Variants in LIMD1 observed in about 807,000 individuals in gnomAD.
LIMD1 encodes LIM domain containing 1.
In LIMD1, 23 loss-of-function variants were observed where a neutral mutation model predicts 58.4. The ratio of observed to expected loss-of-function variants is 0.39; its 90% CI spans 0.28 to 0.56. The LOEUF is 0.56. Ranked by LOEUF, LIMD1 falls within the 20% of genes least tolerant of loss-of-function variation. LIMD1 has a pLI of 0.57. For missense variants in LIMD1, 838 were observed against 855.5 expected, an observed-to-expected ratio of 0.98 and a Z score of 0.25; for synonymous variants, 334 against 345.5, an observed-to-expected ratio of 0.97 and a Z score of 0.37.
chr3:45,621,078 A>G (rs1215779780), intron 1 of LIMD1, among the ~76,000 whole-genome samples: 1 of 152,202 alleles, frequency 6.6e-6, no homozygotes, highest in African/African-American at 2.4e-5. Flanking sequence ...TAATTGGCCT[A>G]TACTCTTCCA....
chr3:45,608,839 C>CAAAAA lies in LIMD1; in HGVS notation c.1408+12567_1408+12571dup, dbSNP rs60750700. Among the ~76,000 whole-genome samples, 188 of 102,882 alleles carry CAAAAA rather than the reference C, an allele frequency of 1.8e-3. 3 individuals carry two copies. Among genetic ancestry groups the CAAAAA allele is most frequent in the African/African-American group, 6.4e-3 (162 of 25,256 alleles). 67.5% of individuals were successfully genotyped at this position (102,882 alleles called of 152,430 possible). A position where few individuals can be genotyped will look rare whatever the true frequency, so the allele number is the denominator to read the frequency against. ...TGGGCAACAGAGCGAGACTCGGTAT[C>CAAAAA]AAAAAAAAAAAAAAAAAAAGAAGGA... On this transcript the variant is annotated intron_variant, in intron 1 of 7. Coordinates refer to ENST00000273317, the MANE Select transcript of LIMD1 (RefSeq NM_014240.3).
chr3:45,657,750 A>G (rs1383318362), intron 2 of LIMD1, among the ~76,000 whole-genome samples: 1 of 152,170 alleles, frequency 6.6e-6, no homozygotes, highest in Non-Finnish European at 1.5e-5. Flanking sequence ...TACTTATGAA[A>G]TGAAAACGAT....
At chr3:45,644,016 T>C (rs569642219) in intron 2 of LIMD1, among the ~76,000 whole-genome samples, 1 of 152,224 alleles carries the variant, frequency 6.6e-6, no homozygotes, top group Non-Finnish European at 1.5e-5. Flanking sequence ...TCCATGGCTG[T>C]TGAAGACTGC....
chr3:45,667,412 T>A (rs1206154587), intron 3 of LIMD1, among the ~76,000 whole-genome samples: 1 of 152,134 alleles, frequency 6.6e-6, no homozygotes, highest in Non-Finnish European at 1.5e-5. Flanking sequence ...GGGGCGTAGG[T>A]GCCAGACAAC....
rs1701787517 is a variant in LIMD1, at chr3:45,636,259, T to C, written c.1510+8T>C. 6.3e-7 allele frequency: 1 copy of C among 1,585,884 alleles called. No individual in the cohort carries two copies. The highest frequency in any genetic ancestry group is 1.8e-5 in the Admixed American group (1 of 56,420). On this transcript the variant is annotated splice_region_variant and intron_variant, in intron 2 of 7. Transcript: ENST00000273317. ...TCACCTGTGCAGCTTGCAGTAAGTG[T>C]GGGTGTGGGTGTCGGGTGTGTGGGG...
chr3:45,671,299 C>T (rs1697582881), intron 4 of LIMD1, among the ~76,000 whole-genome samples: 1 of 152,180 alleles, frequency 6.6e-6, no homozygotes, highest in African/African-American at 2.4e-5. Context: ...GAGTTATCCG[C>T]CTGAGGCTTC....
At chr3:45,651,332 G>A (rs1701972803) in intron 2 of LIMD1, among the ~76,000 whole-genome samples, 1 of 151,948 alleles carries the variant, frequency 6.6e-6, no homozygotes, top group South Asian at 2.1e-4. Context: ...AAGCTCTTTA[G>A]TTTAATTAGA....
At chr3:45,610,955 A>G (rs1701517494) in intron 1 of LIMD1, among the ~76,000 whole-genome samples, 2 of 152,236 alleles carry the variant, frequency 1.3e-5, no homozygotes, top group African/African-American at 4.8e-5. Flanking sequence ...GTAAAACATT[A>G]AAATTAGTTT....
intron 2 of LIMD1, among the ~76,000 whole-genome samples, chr3:45,649,646 A>G (rs2125662853): frequency 2.0e-5 from 3 of 148,380 alleles, no homozygotes; most frequent in Admixed American, 2.0e-4. Flanking sequence ...GCACCACTGC[A>G]CTCCAGCCTG....
At chr3:45,599,281 G>T (rs1701387155) in intron 1 of LIMD1, among the ~76,000 whole-genome samples, 1 of 150,880 alleles carries the variant, frequency 6.6e-6, no homozygotes, top group Non-Finnish European at 1.5e-5. Context: ...AAATGTTTTC[G>T]TCAACCCAAA....
Position 45,636,273 on chromosome 3 carries a change from G to C in LIMD1, c.1510+22G>C, listed in dbSNP as rs765568170. 10 of 1,517,130 alleles carry C rather than the reference G, an allele frequency of 6.6e-6. No individual in the cohort carries two copies. In the Admixed American group the frequency reaches 1.3e-4, roughly 20 times the overall value. The allele number at this position is 1,517,130 out of a possible 1,614,324, so 94.0% of individuals were successfully genotyped here. ...TGCAGTAAGTGTGGGTGTGGGTGTC[G>C]GGTGTGTGGGGGATGCGTAAGGAAC... On this transcript the variant is annotated intron_variant, in intron 2 of 7. Transcript: ENST00000273317.
At chr3:45,667,058 T>G (rs1460068649) in intron 3 of LIMD1, among the ~76,000 whole-genome samples, 1 of 152,176 alleles carries the variant, frequency 6.6e-6, no homozygotes, top group African/African-American at 2.4e-5. Flanking sequence ...TGGCCGTGTA[T>G]CTCAGTGTTA....
chr3:45,660,479 G>A (rs1221488966), intron 2 of LIMD1, among the ~76,000 whole-genome samples: 4 of 141,936 alleles, frequency 2.8e-5, no homozygotes, highest in Non-Finnish European at 6.0e-5. Context: ...GCAATGGCGC[G>A]ATCTTAGCTT....
At chr3:45,628,679 A>G (rs906645102) in intron 1 of LIMD1, among the ~76,000 whole-genome samples, 2 of 152,260 alleles carry the variant, frequency 1.3e-5, no homozygotes, top group Non-Finnish European at 2.9e-5. Flanking sequence ...AGAGAAGTGC[A>G]AATGTATGTC....
At chr3:45,653,149 C>T (rs1203744153) in intron 2 of LIMD1, among the ~76,000 whole-genome samples, 2 of 152,132 alleles carry the variant, frequency 1.3e-5, no homozygotes, top group Non-Finnish European at 2.9e-5. Context: ...ATAAGTCTGA[C>T]AGATGGAAAT....
chr3:45,598,980 A>G (rs998687901), intron 1 of LIMD1, among the ~76,000 whole-genome samples: 13 of 152,162 alleles, frequency 8.5e-5, no homozygotes, highest in Admixed American at 6.5e-5. Context: ...ACGGAAGCTC[A>G]GGGAGATTAA....
chr3:45,594,839 ACACACG>A lies in LIMD1; in HGVS notation c.-40_-35del, dbSNP rs765403035. On this transcript the variant is annotated 5_prime_UTR_variant, in exon 1 of 8. Transcript: ENST00000273317. ...CACACACACACACACACACACACAC[ACACACG>A]GCACCTGGGCTAGGCCCGGACACCT... 44 of 1,244,654 alleles carry A rather than the reference ACACACG, an allele frequency of 3.5e-5. No homozygotes were observed. The African/African-American group carries it at 5.5e-4, about 16-fold the overall frequency. 77.1% of individuals were successfully genotyped at this position (1,244,654 alleles called of 1,614,324 possible).
At chr3:45,613,121 C>G (rs1209335334) in intron 1 of LIMD1, 1 of 152,104 alleles carries the variant, frequency 6.6e-6, no homozygotes, top group Non-Finnish European at 1.5e-5. Context: ...TTCCTAAGAG[C>G]AAGAGGGCTG....
At chr3:45,659,318 C>T (rs1244920421) in intron 2 of LIMD1, among the ~76,000 whole-genome samples, 1 of 152,104 alleles carries the variant, frequency 6.6e-6, no homozygotes, top group African/African-American at 2.4e-5. Context: ...AATATATTTT[C>T]AGTCTGGGTG....
Sources: gnomAD v4.1 joint callset for allele counts (sites outside exome capture counted in the v4.1 genomes callset) on GRCh38, gnomAD v4.1.1 for gene constraint, MANE v1.5 for transcripts, NCBI Gene and HGNC (gene_info 2026-07-23, HGNC 2026-07-21) for gene names.